Variants in PRIMPOL observed in about 807,000 individuals in gnomAD.
PRIMPOL encodes DNA-directed primase/polymerase protein.
A neutral mutation model predicts 63.6 loss-of-function variants in PRIMPOL; 54 were observed. The ratio of observed to expected loss-of-function variants is 0.85; its 90% CI spans 0.68 to 1.07. The LOEUF (loss-of-function observed/expected upper bound fraction) is 1.07, where lower values mean the gene tolerates loss of function less well. PRIMPOL is among the 50% of genes least tolerant of loss of function. PRIMPOL has a pLI of 0.00. For synonymous variants in PRIMPOL, 197 were observed against 220.2 expected (o/e 0.89, Z 0.93); for missense variants, 610 against 648.3 (o/e 0.94, Z 0.64).
rs73873057 is a variant in PRIMPOL, at chr4:184,678,195, A to G, written c.845-37A>G. On this transcript the variant is annotated intron_variant, in intron 7 of 13. Transcript: ENST00000314970. ...CTGACTATGAAACTAATAACAGAAA[A>G]CATGCTTTCATATTGTTTTATCAAT... 8.3e-4 allele frequency: 1,146 copies of G among 1,386,512 alleles called. 8 individuals are homozygous for G. In the African/African-American group the frequency reaches 0.015, roughly 19 times the overall value. The allele number at this position is 1,386,512 out of a possible 1,614,324, so 85.9% of individuals were successfully genotyped here.
intron 3 of PRIMPOL, among the ~76,000 whole-genome samples, chr4:184,658,764 C>T (rs949036438): frequency 3.9e-5 from 6 of 152,024 alleles, no homozygotes; most frequent in East Asian, 1.9e-4. Flanking sequence ...AAAAATTAAT[C>T]GGGCGTGGTG....
intron 9 of PRIMPOL, 143 bp downstream of exon 9, chr4:184,682,479 T>C: frequency 1.9e-6 from 1 of 533,278 alleles, no homozygotes. Context: ...TCCGGAGTAG[T>C]TGGGTTTACA....
In PRIMPOL at chr4:184,656,442, T is replaced by C. The variant is rs1311525292; in HGVS notation, c.-59-640T>C. Among the ~76,000 whole-genome samples, 2 of 152,088 alleles carry C rather than the reference T, an allele frequency of 1.3e-5. 1 individual carries two copies. On this transcript the variant is annotated intron_variant, in intron 2 of 13. Transcript: ENST00000314970. The stretch of plus-strand genomic sequence containing the variant: ...TTTGTAAATGAATTATAATCCCAAA[T>C]TGGAAAATTATTGCCTGGCCCCCTT...
chr4:184,655,324 C>A (rs1439963852), intron 2 of PRIMPOL, among the ~76,000 whole-genome samples: 1 of 131,156 alleles, frequency 7.6e-6, no homozygotes, highest in East Asian at 2.2e-4. Flanking sequence ...CTCTCGTAAT[C>A]TTTTTTTTTT....
chr4:184,655,765 T>C (rs1207742277), intron 2 of PRIMPOL, among the ~76,000 whole-genome samples: 1 of 152,162 alleles, frequency 6.6e-6, no homozygotes, highest in Non-Finnish European at 1.5e-5. Flanking sequence ...ACCAAAGAAA[T>C]AGGACTTCAC....
chr4:184,671,738 G>GTT (rs57281352), intron 6 of PRIMPOL, among the ~76,000 whole-genome samples: 5 of 95,466 alleles, frequency 5.2e-5, no homozygotes, highest in Non-Finnish European at 8.3e-5. Flanking sequence ...TAGCGACTCG[G>GTT]TTTTTTTTTT....
At chr4:184,653,525 G>GT (rs1560924879) in intron 2 of PRIMPOL, among the ~76,000 whole-genome samples, 2 of 152,130 alleles carry the variant, frequency 1.3e-5, no homozygotes, top group Non-Finnish European at 2.9e-5. Flanking sequence ...CTTTTATTTT[G>GT]TTTTTTAGTA....
intron 5 of PRIMPOL, among the ~76,000 whole-genome samples, chr4:184,663,509 A>G (rs1469824793): frequency 6.6e-6 from 1 of 152,264 alleles, no homozygotes; most frequent in Admixed American, 6.5e-5. Flanking sequence ...ATTAGAAACT[A>G]GAAATATTTC....
At chr4:184,673,346 G>T (rs1462061340) in intron 7 of PRIMPOL, among the ~76,000 whole-genome samples, 2 of 151,472 alleles carry the variant, frequency 1.3e-5, no homozygotes, top group African/African-American at 4.8e-5. Flanking sequence ...AGCCAAGATG[G>T]TCTCGATCTC....
At chr4:184,690,856 T>C (rs1758334771) in intron 11 of PRIMPOL, among the ~76,000 whole-genome samples, 1 of 152,250 alleles carries the variant, frequency 6.6e-6, no homozygotes, top group Non-Finnish European at 1.5e-5. Context: ...GTTTTCTAAT[T>C]TCCACTATTT....
At chr4:184,670,167 G>A (rs929340932) in intron 6 of PRIMPOL, among the ~76,000 whole-genome samples, 1 of 152,144 alleles carries the variant, frequency 6.6e-6, no homozygotes, top group Admixed American at 6.5e-5. Flanking sequence ...GTGTGTTAGC[G>A]TTGATGCTAG....
intron 8 of PRIMPOL, among the ~76,000 whole-genome samples, chr4:184,680,636 G>A (rs1455656030): frequency 6.6e-6 from 1 of 152,098 alleles, no homozygotes; most frequent in African/African-American, 2.4e-5. Flanking sequence ...ATATATATAA[G>A]TATATTTGTA....
intron 11 of PRIMPOL, chr4:184,691,229 G>A (rs1758438667): frequency 3.3e-6 from 1 of 306,416 alleles, no homozygotes; most frequent in Non-Finnish European, 5.9e-6. Flanking sequence ...CACATATTTT[G>A]CAGCTGTATT....
chr4:184,677,594 T>G (rs1302490017), intron 7 of PRIMPOL, among the ~76,000 whole-genome samples: 1 of 152,212 alleles, frequency 6.6e-6, no homozygotes, highest in Non-Finnish European at 1.5e-5. Flanking sequence ...TCTAAGTTTG[T>G]TCTTTGAAAT....
intron 13 of PRIMPOL, among the ~76,000 whole-genome samples, chr4:184,693,715 T>C (rs1196733643): frequency 6.6e-6 from 1 of 152,222 alleles, no homozygotes; most frequent in African/African-American, 2.4e-5. Flanking sequence ...TTGTTAACAC[T>C]TGGCCACATT....
At chr4:184,662,573 AAAT>A (rs1400166724) in intron 5 of PRIMPOL, among the ~76,000 whole-genome samples, 1 of 152,216 alleles carries the variant, frequency 6.6e-6, no homozygotes, top group African/African-American at 2.4e-5. Context: ...ATTTCAAAAA[AAAT>A]TTTCAGATTG....
Position 184,652,912 on chromosome 4 carries a change from GAGGGAAGGGAGA to G in PRIMPOL, c.-60+814_-60+825del, listed in dbSNP as rs1326898574. 8.0e-3 allele frequency among the ~76,000 whole-genome samples: 108 copies of G among 13,498 alleles called. 22 individuals carry two copies. The highest frequency in any genetic ancestry group is 0.067 in the Middle Eastern group (2 of 30). 8.9% of individuals were successfully genotyped at this position (13,498 alleles called of 152,430 possible). A position where few individuals can be genotyped will look rare whatever the true frequency, so the allele number is the denominator to read the frequency against. On this transcript the variant is annotated intron_variant, in intron 2 of 13. Coordinates refer to ENST00000314970, the MANE Select transcript of PRIMPOL (RefSeq NM_152683.4). ...GGAAAGAAGGGAGGGAGGGAGGAAG[GAGGGAAGGGAGA>G]AAGGAAGGAAGGAAGAAGGGAAGGA...
chr4:184,675,146 C>A (rs769035500), intron 7 of PRIMPOL, among the ~76,000 whole-genome samples: 1 of 152,080 alleles, frequency 6.6e-6, no homozygotes, highest in Non-Finnish European at 1.5e-5. Context: ...CTGAGCTCAC[C>A]GCAATAGCAA....
chr4:184,650,105 G>A (rs1238632029), intron 1 of PRIMPOL, among the ~76,000 whole-genome samples, 197 bp downstream of exon 1: 2 of 152,260 alleles, frequency 1.3e-5, no homozygotes, highest in African/African-American at 4.8e-5. Flanking sequence ...GAGCTGCGTG[G>A]AGTTCCCAAG....
Sources: gnomAD v4.1 joint callset for allele counts (sites outside exome capture counted in the v4.1 genomes callset) on GRCh38, gnomAD v4.1.1 for gene constraint, MANE v1.5 for transcripts, NCBI Gene and HGNC (gene_info 2026-07-23, HGNC 2026-07-21) for gene names.